The following PIK3R1 variants were observed in gnomAD, a reference collection of about 807,000 sequenced individuals.
The protein encoded by PIK3R1 is phosphoinositide-3-kinase regulatory subunit 1.
PIK3R1 carries 29 observed loss-of-function variants against 98.0 expected under a neutral mutation model. That is an observed-to-expected ratio of 0.30 (90% CI 0.22 to 0.40). The LOEUF (loss-of-function observed/expected upper bound fraction) is 0.40, where lower values mean the gene tolerates loss of function less well. Among genes scored for constraint, PIK3R1 ranks in the 10% least tolerant of loss-of-function variants. The probability of loss-of-function intolerance (pLI) is 1.00; values close to 1 mark genes in which losing one functional copy is unlikely to be tolerated. For missense variants in PIK3R1, 596 were observed against 872.7 expected (o/e 0.68, Z 3.99); for synonymous variants, 282 against 311.8 (o/e 0.90, Z 1.01).
chr5:68,233,502 T>C (rs1744555763), intron 2 of PIK3R1, among the ~76,000 whole-genome samples: 1 of 152,236 alleles, frequency 6.6e-6, no homozygotes, highest in African/African-American at 2.4e-5. Flanking sequence ...GGGCTTTATT[T>C]CAATTGCTTG....
intron 2 of PIK3R1, among the ~76,000 whole-genome samples, chr5:68,228,575 C>T (rs1323065895): frequency 2.6e-5 from 4 of 152,246 alleles, no homozygotes; most frequent in South Asian, 2.1e-4. Context: ...AAGATACATA[C>T]GTAATCGTTT....
chr5:68,255,432 G>T (rs928798754), intron 2 of PIK3R1, among the ~76,000 whole-genome samples: 2 of 152,168 alleles, frequency 1.3e-5, no homozygotes, highest in African/African-American at 4.8e-5. Flanking sequence ...CTGTGCTTCA[G>T]CAGTGGGGTA....
intron 2 of PIK3R1, among the ~76,000 whole-genome samples, chr5:68,256,076 C>T (rs761574539): frequency 3.9e-5 from 6 of 152,176 alleles, no homozygotes; most frequent in Non-Finnish European, 7.3e-5. Context: ...TAGTTCAAAG[C>T]AACCTTGATT....
chr5:68,271,070 A>T (rs1485031068), intron 2 of PIK3R1, among the ~76,000 whole-genome samples: 1 of 152,198 alleles, frequency 6.6e-6, no homozygotes, highest in Non-Finnish European at 1.5e-5. Context: ...GAATTTTCTT[A>T]TCAAAAGAGT....
intron 2 of PIK3R1, among the ~76,000 whole-genome samples, chr5:68,251,506 C>T (rs916744780): frequency 1.3e-5 from 2 of 151,438 alleles, no homozygotes; most frequent in East Asian, 1.9e-4. Context: ...GGGCACTGAA[C>T]GTTTGTAAGC....
intron 2 of PIK3R1, among the ~76,000 whole-genome samples, chr5:68,237,012 T>C (rs1358740461): frequency 6.6e-6 from 1 of 152,270 alleles, no homozygotes; most frequent in Non-Finnish European, 1.5e-5. Context: ...TAAATAGATT[T>C]ACCTTCGTTT....
intron 7 of PIK3R1, among the ~76,000 whole-genome samples, chr5:68,286,942 G>GGTTAGTTCACTAACC (rs1747102220): frequency 1.3e-5 from 2 of 152,212 alleles, no homozygotes; most frequent in African/African-American, 4.8e-5. Flanking sequence ...ATGTCCCTAT[G>GGTTAGTTCACTAACC]ATCAGATGGC....
At chr5:68,285,654 G>A (rs1747048666) in intron 7 of PIK3R1, among the ~76,000 whole-genome samples, 1 of 152,210 alleles carries the variant, frequency 6.6e-6, no homozygotes, top group Admixed American at 6.5e-5. Context: ...CAGTGCAGAT[G>A]TCTCTTTGTC....
chr5:68,240,776 T>C (rs1313546430), intron 2 of PIK3R1, among the ~76,000 whole-genome samples: 2 of 152,232 alleles, frequency 1.3e-5, no homozygotes, highest in Non-Finnish European at 2.9e-5. Flanking sequence ...TTCCTTCCTT[T>C]CTTCTTTCCT....
At chr5:68,288,657 C>G (rs1420232586) in intron 7 of PIK3R1, 2 of 1,607,120 alleles carry the variant, frequency 1.2e-6, no homozygotes, top group East Asian at 2.2e-5. Context: ...GGGGCTTGGC[C>G]CACTTGGTGG....
chr5:68,237,143 C>T (rs965557607), intron 2 of PIK3R1, among the ~76,000 whole-genome samples: 1 of 152,180 alleles, frequency 6.6e-6, no homozygotes, highest in Admixed American at 6.5e-5. Context: ...GGAGTTATTA[C>T]TTGCTTAAAA....
rs1029958401 is a variant in PIK3R1, at chr5:68,298,064, C to T, written c.*463C>T. 1 of 232,310 alleles carries T rather than the reference C, an allele frequency of 4.3e-6. No individual in the cohort carries two copies. The highest frequency in any genetic ancestry group is 2.2e-5 in the African/African-American group (1 of 45,212). 14.4% of individuals were successfully genotyped at this position (232,310 alleles called of 1,614,324 possible). ...CTGGTTTAGCCTGGATGTTGCTGTG[C>T]ACGGTGGACCCAGACACATCGCACT... On this transcript the variant is annotated 3_prime_UTR_variant, in exon 16 of 16. Transcript: ENST00000521381.
intron 2 of PIK3R1, among the ~76,000 whole-genome samples, chr5:68,228,618 T>A (rs1054578986): frequency 2.0e-5 from 3 of 151,978 alleles, no homozygotes; most frequent in African/African-American, 7.3e-5. Flanking sequence ...TCACCTTTTA[T>A]TTTTTTTAAG....
intron 2 of PIK3R1, among the ~76,000 whole-genome samples, chr5:68,261,715 G>A (rs1745754331): frequency 6.6e-6 from 1 of 152,154 alleles, no homozygotes; most frequent in African/African-American, 2.4e-5. Flanking sequence ...AATTACTCAA[G>A]CTCATGTTAG....
chr5:68,267,700 A>G (rs1305999120), intron 2 of PIK3R1, among the ~76,000 whole-genome samples: 2 of 152,088 alleles, frequency 1.3e-5, no homozygotes, highest in Non-Finnish European at 2.9e-5. Context: ...TTTAGCACAC[A>G]GTCATTCCAA....
At chr5:68,258,653 C>T (rs570298503) in intron 2 of PIK3R1, among the ~76,000 whole-genome samples, 1 of 152,312 alleles carries the variant, frequency 6.6e-6, no homozygotes, top group East Asian at 1.9e-4. Flanking sequence ...CTGCAGTCAG[C>T]AGACCGTCTC....
chr5:68,259,956 A>G (rs936519911), intron 2 of PIK3R1, among the ~76,000 whole-genome samples: 1 of 152,104 alleles, frequency 6.6e-6, no homozygotes, highest in Non-Finnish European at 1.5e-5. Flanking sequence ...ATCACTTCTG[A>G]GCCTGTTTTT....
At chr5:68,231,141 C>T (rs903325038) in intron 2 of PIK3R1, among the ~76,000 whole-genome samples, 2 of 152,170 alleles carry the variant, frequency 1.3e-5, no homozygotes, top group Non-Finnish European at 2.9e-5. Context: ...TCCAGTGGGG[C>T]TATTTCTCAA....
intron 4 of PIK3R1, among the ~76,000 whole-genome samples, chr5:68,276,309 C>G: frequency 6.6e-6 from 1 of 152,324 alleles, no homozygotes; most frequent in Non-Finnish European, 1.5e-5. Context: ...CCATGAGGTG[C>G]CAGCAGCATT....
Sources: allele counts gnomAD v4.1 joint callset (sites outside exome capture counted in the v4.1 genomes callset), GRCh38; gene constraint gnomAD v4.1.1; transcripts MANE v1.5; gene names NCBI Gene and HGNC (gene_info 2026-07-23, HGNC 2026-07-21).